Variants in ANKFN1 observed in about 807,000 individuals in gnomAD.
ANKFN1 encodes the protein ankyrin repeat and fibronectin type III domain containing 1.
A neutral mutation model predicts 108.7 loss-of-function variants in ANKFN1; 74 were observed. The ratio of observed to expected loss-of-function variants is 0.68; its 90% CI spans 0.56 to 0.83. The LOEUF is 0.83. ANKFN1 is among the 40% of genes least tolerant of loss of function. The probability of loss-of-function intolerance (pLI) is 0.00; values close to 1 mark genes in which losing one functional copy is unlikely to be tolerated. For synonymous variants in ANKFN1, 547 were observed against 516.2 expected (o/e 1.06, Z -0.81); for missense variants, 1,505 against 1,382.3 (o/e 1.09, Z -1.41).
At chr17:56,270,641 T>A (rs1188920261) in intron 3 of ANKFN1, among the ~76,000 whole-genome samples, 2 of 152,138 alleles carry the variant, frequency 1.3e-5, no homozygotes, top group East Asian at 3.9e-4. Context: ...CCCAAATTCC[T>A]CACTACGGCC....
chr17:56,467,768 AAAGAAAGAAAGAAAG>A (rs2050135134), intron 15 of ANKFN1, among the ~76,000 whole-genome samples: 1 of 34,086 alleles, frequency 2.9e-5, no homozygotes, highest in Admixed American at 4.4e-4. Flanking sequence ...AGAAAGAAAG[AAAGAAAGAAAGAAAG>A]AAAGAAAGAA....
At chr17:56,188,577 GTGTGTATATATATA>G (rs1456163035) in intron 1 of ANKFN1, among the ~76,000 whole-genome samples, 5 of 80,800 alleles carry the variant, frequency 6.2e-5, no homozygotes, top group Admixed American at 4.2e-4. Context: ...GTGTGTGTGT[GTGTGTATATATATA>G]TATATATATA....
At chr17:56,066,441 C>T (rs1905059039) in intron 4 of ANKFN1, among the ~76,000 whole-genome samples, 1 of 152,130 alleles carries the variant, frequency 6.6e-6, no homozygotes. Flanking sequence ...TACCAGAATT[C>T]AATAACTTAG....
At position 56,482,450 on chromosome 17, in the gene ANKFN1, C is replaced by G. The variant is rs1568039081; in HGVS notation, c.2186C>G (p.Thr729Arg). Residue 729 changes from threonine (T) to arginine (R), a missense_variant, in exon 18 of 21, where the codon ACA becomes AGA. Transcript: ENST00000682825. ...LLLPASDDVC[T>R]APGQNNPYTP... is the part of the protein sequence containing the mutation. ...CTCCCTGCCTCAGACGACGTCTGTA[C>G]AGCCCCAGGACAGAATAATCCTTAC... The G allele has an allele frequency of 1.2e-6, 2 of 1,613,684 alleles. No individual in the cohort carries two copies. Among genetic ancestry groups the G allele is most frequent in the Non-Finnish European group, 1.7e-6 (2 of 1,179,752 alleles).
chr17:56,346,884 T>C (rs1833602268), intron 4 of ANKFN1, among the ~76,000 whole-genome samples: 1 of 151,922 alleles, frequency 6.6e-6, no homozygotes, highest in Non-Finnish European at 1.5e-5. Flanking sequence ...ATTCAACCTA[T>C]AGTTTTGGTT....
intron 4 of ANKFN1, among the ~76,000 whole-genome samples, chr17:56,084,483 G>C (rs111681117): frequency 6.6e-6 from 1 of 151,330 alleles, no homozygotes; most frequent in South Asian, 2.1e-4. Flanking sequence ...TGGAGAAGTC[G>C]GGAGAGGCCC....
intron 4 of ANKFN1, among the ~76,000 whole-genome samples, chr17:56,080,889 G>GC (rs1905237859): frequency 6.6e-6 from 1 of 152,166 alleles, no homozygotes; most frequent in African/African-American, 2.4e-5. Context: ...TCACCCACAT[G>GC]CTTGAGCCAT....
chr17:56,055,571 A>ATATATATG lies in ANKFN1; in HGVS notation c.288+9253_288+9254insGTATATAT, dbSNP rs1382371815. On this transcript the variant is annotated intron_variant, in intron 4 of 12. Transcript: ENST00000635860. ...GTGTGTGTGTGGTATATATACATAT[A>ATATATATG]TATATATATATATATATGTATATAT... 6.7e-4 allele frequency among the ~76,000 whole-genome samples: 68 copies of ATATATATG among 101,770 alleles called. 2 individuals are homozygous for ATATATATG. The highest frequency in any genetic ancestry group is 2.4e-3 in the East Asian group (10 of 4,206). 66.8% of individuals were successfully genotyped at this position (101,770 alleles called of 152,430 possible). A position where few individuals can be genotyped will look rare whatever the true frequency, so the allele number is the denominator to read the frequency against.
chr17:56,094,309 C>A (rs1253485631), intron 4 of ANKFN1, among the ~76,000 whole-genome samples: 1 of 150,756 alleles, frequency 6.6e-6, no homozygotes, highest in Admixed American at 6.6e-5. Context: ...TTCTCATAAG[C>A]CCTATGGATA....
chr17:56,165,760 G>T (rs1458488335), intron 1 of ANKFN1, among the ~76,000 whole-genome samples: 1 of 152,132 alleles, frequency 6.6e-6, no homozygotes, highest in Non-Finnish European at 1.5e-5. Flanking sequence ...GTTTTCTGGA[G>T]GAAAATGTTC....
intron 3 of ANKFN1, among the ~76,000 whole-genome samples, chr17:56,265,718 G>T (rs1442948966): frequency 1.3e-5 from 2 of 152,094 alleles, no homozygotes; most frequent in Non-Finnish European, 2.9e-5. Flanking sequence ...CATAGTATTT[G>T]CATATAACAT....
chr17:56,082,723 G>A (rs1463189855), intron 4 of ANKFN1, among the ~76,000 whole-genome samples: 1 of 152,196 alleles, frequency 6.6e-6, no homozygotes, highest in Admixed American at 6.5e-5. Flanking sequence ...CTTTGGGGAG[G>A]TGGATGGGCT....
At chr17:56,439,782 G>C (rs968506193) in intron 8 of ANKFN1, among the ~76,000 whole-genome samples, 4 of 152,202 alleles carry the variant, frequency 2.6e-5, no homozygotes, top group Non-Finnish European at 4.4e-5. Flanking sequence ...CTTTTCAGTA[G>C]AATATGGCGA....
At chr17:56,332,268 A>G (rs2045685065) in intron 4 of ANKFN1, among the ~76,000 whole-genome samples, 1 of 152,146 alleles carries the variant, frequency 6.6e-6, no homozygotes, top group Non-Finnish European at 1.5e-5. Context: ...TGCTTATGTA[A>G]GCAGCAAAGC....
chr17:56,407,005 G>A (rs58755595), intron 8 of ANKFN1, among the ~76,000 whole-genome samples: 7,005 of 152,066 alleles, frequency 0.046, 481 homozygotes, highest in African/African-American at 0.16. Context: ...ATCTGGCATG[G>A]GGCCAGGTAT....
At chr17:56,302,888 A>G (rs564309927) in intron 3 of ANKFN1, among the ~76,000 whole-genome samples, 2 of 152,324 alleles carry the variant, frequency 1.3e-5, no homozygotes, top group East Asian at 3.9e-4. Flanking sequence ...ATGGTATTCT[A>G]TTCTAAGAAT....
At chr17:56,157,936 C>T (rs1171245564) in intron 1 of ANKFN1, among the ~76,000 whole-genome samples, 1 of 152,178 alleles carries the variant, frequency 6.6e-6, no homozygotes, top group African/African-American at 2.4e-5. Flanking sequence ...TCTTCAACTC[C>T]AGGTAATATA....
chr17:56,167,204 C>CATATATGTAT (rs1910197319), intron 1 of ANKFN1, among the ~76,000 whole-genome samples: 1 of 147,642 alleles, frequency 6.8e-6, no homozygotes, highest in South Asian at 2.1e-4. Flanking sequence ...ATATATGTTA[C>CATATATGTAT]ATATATATAC....
At chr17:56,222,902 G>A (rs777363515) in intron 2 of ANKFN1, among the ~76,000 whole-genome samples, 23 of 152,114 alleles carry the variant, frequency 1.5e-4, no homozygotes, top group Non-Finnish European at 2.6e-4. Flanking sequence ...AAAAGTAAAT[G>A]TTCAAAATGC....
Sources: gnomAD v4.1 joint callset for allele counts (sites outside exome capture counted in the v4.1 genomes callset) on GRCh38, gnomAD v4.1.1 for gene constraint, MANE v1.5 for transcripts, NCBI Gene and HGNC (gene_info 2026-07-23, HGNC 2026-07-21) for gene names.